Variants in LPAR1 observed in about 807,000 individuals in gnomAD.
The protein encoded by LPAR1 is LPA receptor 1.
LPAR1 carries 5 observed loss-of-function variants against 23.8 expected under a neutral mutation model. The ratio of observed to expected loss-of-function variants is 0.21; its 90% CI spans 0.11 to 0.44. The LOEUF (loss-of-function observed/expected upper bound fraction) is 0.44. Among genes scored for constraint, LPAR1 ranks in the 20% least tolerant of loss-of-function variants. The pLI is 0.99. For missense variants in LPAR1, 311 were observed against 482.8 expected (o/e 0.64, Z 3.33); for synonymous variants, 160 against 164.7 (o/e 0.97, Z 0.22).
intron 2 of LPAR1, among the ~76,000 whole-genome samples, chr9:111,001,027 G>A (rs17467645): frequency 0.051 from 7,826 of 152,044 alleles, 273 homozygotes; most frequent in South Asian, 0.067. Context: ...TCAAACACAT[G>A]GAAATGCTGA....
chr9:111,023,053 CAAA>C (rs35394780), intron 2 of LPAR1, among the ~76,000 whole-genome samples: 4 of 56,716 alleles, frequency 7.1e-5, no homozygotes, highest in South Asian at 6.6e-4. Context: ...TCCGTCTCAA[CAAA>C]AAAAAAAAAA....
intron 4 of LPAR1, among the ~76,000 whole-genome samples, chr9:110,951,737 A>C (rs1203378867): frequency 6.6e-6 from 1 of 152,164 alleles, no homozygotes; most frequent in African/African-American, 2.4e-5. Context: ...GAACATGTTC[A>C]TACACTAGAT....
intron 5 of LPAR1, among the ~76,000 whole-genome samples, chr9:110,938,228 C>T (rs1008865025): frequency 3.3e-5 from 5 of 152,172 alleles, no homozygotes; most frequent in Non-Finnish European, 2.9e-5. Context: ...ACCAAATGTA[C>T]ACAAACTAAA....
intron 5 of LPAR1, among the ~76,000 whole-genome samples, chr9:110,895,782 A>C (rs1477882837): frequency 6.6e-6 from 1 of 152,210 alleles, no homozygotes; most frequent in Non-Finnish European, 1.5e-5. Flanking sequence ...ATTTCATTGC[A>C]GAACAGTTCT....
In LPAR1 at chr9:110,972,148, G is replaced by A. The variant is rs142323939; in HGVS notation, c.-31C>T. 9.8e-5 allele frequency: 157 copies of A among 1,606,618 alleles called. No individual in the cohort carries two copies. The African/African-American group carries it at 1.6e-3, about 16-fold the overall frequency. ...CTCTGTGGTTGTAGGTGGTGAACACGCCCCAGAACTACGGGAGACAAATTT... is the reference window on the plus strand; with the variant it reads ...CTCTGTGGTTGTAGGTGGTGAACACACCCCAGAACTACGGGAGACAAATTT... On this transcript the variant is annotated 5_prime_UTR_variant, in exon 4 of 6. Transcript: ENST00000683809.
intron 2 of LPAR1, among the ~76,000 whole-genome samples, chr9:110,998,656 C>A (rs2097068186): frequency 6.6e-6 from 1 of 152,186 alleles, no homozygotes; most frequent in Admixed American, 6.5e-5. Flanking sequence ...TGATCTGTAG[C>A]ATAAAGCTAT....
At chr9:110,945,295 A>C (rs1238305381) in intron 4 of LPAR1, 1 of 152,200 alleles carries the variant, frequency 6.6e-6, no homozygotes, top group Non-Finnish European at 1.5e-5. Flanking sequence ...GGCCAATAAG[A>C]TAGTCAGGGC....
At chr9:110,971,283 T>C (rs780710184) in intron 4 of LPAR1, among the ~76,000 whole-genome samples, 27 of 152,310 alleles carry the variant, frequency 1.8e-4, no homozygotes, top group Admixed American at 3.3e-4. Context: ...ATATGAACCA[T>C]CATTTTATCC....
intron 2 of LPAR1, among the ~76,000 whole-genome samples, chr9:110,982,450 G>A (rs1297039966): frequency 6.6e-6 from 1 of 151,906 alleles, no homozygotes; most frequent in East Asian, 1.9e-4. Context: ...CACAGGGAGG[G>A]GAACATCACA....
chr9:110,894,465 C>T (rs2085592499), intron 5 of LPAR1, among the ~76,000 whole-genome samples: 1 of 152,166 alleles, frequency 6.6e-6, no homozygotes, highest in Admixed American at 6.5e-5. Context: ...TAATGGGTTC[C>T]CTTCATTTCT....
intron 4 of LPAR1, among the ~76,000 whole-genome samples, chr9:110,954,876 A>G (rs760605395): frequency 1.3e-5 from 2 of 152,244 alleles, no homozygotes; most frequent in African/African-American, 2.4e-5. Context: ...CTTGGAAGTG[A>G]CAGGATAATT....
At chr9:110,904,228 C>T (rs1469260745) in intron 5 of LPAR1, among the ~76,000 whole-genome samples, 2 of 152,070 alleles carry the variant, frequency 1.3e-5, no homozygotes, top group Non-Finnish European at 2.9e-5. Flanking sequence ...AACAACAAAA[C>T]AAGCTGAAAT....
At chr9:110,992,345 C>T (rs2096913179) in intron 2 of LPAR1, among the ~76,000 whole-genome samples, 1 of 152,134 alleles carries the variant, frequency 6.6e-6, no homozygotes, top group African/African-American at 2.4e-5. Context: ...AAAAAACCAA[C>T]CATACCAAGT....
At chr9:111,004,045 T>C (rs1216256269) in intron 2 of LPAR1, among the ~76,000 whole-genome samples, 4 of 152,174 alleles carry the variant, frequency 2.6e-5, no homozygotes, top group Non-Finnish European at 5.9e-5. Context: ...AATCATTCCA[T>C]GAGGGCATAA....
chr9:110,988,249 A>C (rs1454569072), intron 2 of LPAR1, among the ~76,000 whole-genome samples: 1 of 152,110 alleles, frequency 6.6e-6, no homozygotes, highest in Non-Finnish European at 1.5e-5. Context: ...TTCATCAGAC[A>C]GAAAGAAAAT....
intron 5 of LPAR1, among the ~76,000 whole-genome samples, chr9:110,887,247 C>A (rs2082654667): frequency 6.6e-6 from 1 of 151,938 alleles, no homozygotes; most frequent in Non-Finnish European, 1.5e-5. Flanking sequence ...ATTTACAATT[C>A]ATTTTCTTAC....
chr9:110,946,252 A>G (rs2095373436), intron 4 of LPAR1, among the ~76,000 whole-genome samples: 1 of 152,146 alleles, frequency 6.6e-6, no homozygotes, highest in Non-Finnish European at 1.5e-5. Flanking sequence ...GGGGTCCAAG[A>G]AAGATTAGAA....
At chr9:110,930,947 G>C (rs74493994) in intron 5 of LPAR1, among the ~76,000 whole-genome samples, 3,383 of 152,226 alleles carry the variant, frequency 0.022, 142 homozygotes, top group African/African-American at 0.075. Flanking sequence ...TATTATGCCA[G>C]TGCAAAATGC....
intron 4 of LPAR1, among the ~76,000 whole-genome samples, chr9:110,952,443 C>G (rs1391717094): frequency 6.6e-6 from 1 of 152,136 alleles, no homozygotes; most frequent in African/African-American, 2.4e-5. Context: ...ACTTTGAGAA[C>G]CCAGCCCCCA....
Sources: allele counts gnomAD v4.1 joint callset (sites outside exome capture counted in the v4.1 genomes callset), GRCh38; gene constraint gnomAD v4.1.1; transcripts MANE v1.5; gene names NCBI Gene and HGNC (gene_info 2026-07-23, HGNC 2026-07-21).